Variants in NRXN3 observed in about 807,000 individuals in gnomAD.
The protein encoded by NRXN3 is neurexin 3.
NRXN3 carries 32 observed loss-of-function variants against 137.6 expected under a neutral mutation model. The observed-to-expected ratio is 0.23, with a 90% CI of 0.18 to 0.31. The LOEUF (loss-of-function observed/expected upper bound fraction) is 0.31. NRXN3 is among the 10% of genes least tolerant of loss of function. NRXN3 has a pLI of 1.00. For missense variants in NRXN3, 1,574 were observed against 2,062.5 expected (o/e 0.76, Z 4.59); for synonymous variants, 798 against 784.5 (o/e 1.02, Z -0.29).
intron 19 of NRXN3, among the ~76,000 whole-genome samples, chr14:79,764,931 C>T (rs1483303619): frequency 6.6e-6 from 1 of 152,174 alleles, no homozygotes; most frequent in African/African-American, 2.4e-5. Context: ...AACCATTAGA[C>T]TATTTTTTTC....
chr14:78,539,712 T>C (rs2096570380), intron 4 of NRXN3, among the ~76,000 whole-genome samples: 1 of 152,232 alleles, frequency 6.6e-6, no homozygotes, highest in African/African-American at 2.4e-5. Flanking sequence ...AGGGTGTCGA[T>C]TATAGATCCT....
At chr14:79,041,198 C>T (rs1229141200) in intron 15 of NRXN3, among the ~76,000 whole-genome samples, 1 of 152,152 alleles carries the variant, frequency 6.6e-6, no homozygotes, top group African/African-American at 2.4e-5. Flanking sequence ...ACATTATTGT[C>T]ACTGTTTCTC....
chr14:79,468,866 G>T (rs773263996), intron 16 of NRXN3, among the ~76,000 whole-genome samples: 1 of 152,194 alleles, frequency 6.6e-6, no homozygotes, highest in African/African-American at 2.4e-5. Flanking sequence ...CTTGAATAGA[G>T]TTGTGAACTT....
intron 15 of NRXN3, among the ~76,000 whole-genome samples, chr14:79,014,703 A>T (rs2099576376): frequency 6.6e-6 from 1 of 152,180 alleles, no homozygotes; most frequent in African/African-American, 2.4e-5. Context: ...GAGCTAGTGC[A>T]GTTGTTTGGA....
rs1028166142 is a variant in NRXN3, at chr14:78,236,738, C to G, written c.-703-5653C>G. ...ATGAGATAGGTATTATTCCCCCCCC[C>G]CTTTTTTTTGATGAAGAAAGACTCA... On this transcript the variant is annotated intron_variant, in intron 1 of 20. Transcript: ENST00000335750. Among the ~76,000 whole-genome samples the G allele has an allele frequency of 2.0e-3, 293 of 146,716 alleles. 3 individuals carry two copies. Among genetic ancestry groups the G allele is most frequent in the African/African-American group, 6.6e-3 (267 of 40,650 alleles).
At chr14:79,608,316 C>T (rs1228631608) in intron 16 of NRXN3, among the ~76,000 whole-genome samples, 1 of 152,168 alleles carries the variant, frequency 6.6e-6, no homozygotes, top group African/African-American at 2.4e-5. Context: ...TTCCTCATAT[C>T]TACCTAATGC....
At chr14:79,468,726 G>A (rs2096461750) in intron 16 of NRXN3, among the ~76,000 whole-genome samples, 1 of 152,190 alleles carries the variant, frequency 6.6e-6, no homozygotes, top group African/African-American at 2.4e-5. Context: ...AATGAGAGCA[G>A]CTTAAAGTCC....
chr14:79,181,674 C>G (rs1337255112), intron 15 of NRXN3, among the ~76,000 whole-genome samples: 1 of 133,462 alleles, frequency 7.5e-6, no homozygotes, highest in Non-Finnish European at 1.6e-5. Flanking sequence ...AGAGTGTGAC[C>G]CTGTCTCAAA....
chr14:78,853,691 T>C (rs1314393923), intron 10 of NRXN3, among the ~76,000 whole-genome samples: 2 of 152,146 alleles, frequency 1.3e-5, no homozygotes. Flanking sequence ...CAATACTATG[T>C]CTCTCAAAGT....
intron 2 of NRXN3, among the ~76,000 whole-genome samples, chr14:78,266,712 T>G (rs2071799198): frequency 6.6e-6 from 1 of 152,214 alleles, no homozygotes; most frequent in Admixed American, 6.5e-5. Context: ...TACTCATTAG[T>G]AGGCAATATG....
At chr14:78,706,769 G>A (rs975622169) in intron 6 of NRXN3, among the ~76,000 whole-genome samples, 12 of 152,132 alleles carry the variant, frequency 7.9e-5, no homozygotes, top group South Asian at 4.2e-4. Flanking sequence ...TTAGGTCCAC[G>A]GTCAAGGTTA....
intron 20 of NRXN3, among the ~76,000 whole-genome samples, chr14:79,820,954 C>G (rs1331986988): frequency 1.3e-5 from 2 of 152,038 alleles, no homozygotes; most frequent in Non-Finnish European, 2.9e-5. Flanking sequence ...AGCAGGGCCC[C>G]CTGGTGTGGT....
intron 7 of NRXN3, 114 bp downstream of exon 7, chr14:78,709,769 C>T: frequency 1.1e-6 from 1 of 941,704 alleles, no homozygotes; most frequent in Non-Finnish European, 1.6e-6. Flanking sequence ...GATTCTTTTG[C>T]TACTCTCTTT....
chr14:78,563,200 C>G (rs900583112), intron 4 of NRXN3, among the ~76,000 whole-genome samples: 4 of 152,308 alleles, frequency 2.6e-5, no homozygotes, highest in Admixed American at 2.6e-4. Flanking sequence ...TATGACCTAG[C>G]TTCAGGAGTC....
At chr14:78,716,081 CA>C (rs2098431754) in intron 8 of NRXN3, among the ~76,000 whole-genome samples, 1 of 151,948 alleles carries the variant, frequency 6.6e-6, no homozygotes, top group Non-Finnish European at 1.5e-5. Flanking sequence ...GAGAGGGGAC[CA>C]AAGAGATGAG....
At chr14:78,594,898 C>T (rs895380146) in intron 4 of NRXN3, among the ~76,000 whole-genome samples, 1 of 152,146 alleles carries the variant, frequency 6.6e-6, no homozygotes, top group Admixed American at 6.5e-5. Flanking sequence ...GTGTCAGTAC[C>T]ACAGGAGTAA....
At chr14:78,861,762 T>C (rs1209136877) in intron 10 of NRXN3, among the ~76,000 whole-genome samples, 1 of 152,138 alleles carries the variant, frequency 6.6e-6, no homozygotes, top group Non-Finnish European at 1.5e-5. Flanking sequence ...GTTTTAAACA[T>C]GCACTCACAT....
At chr14:79,522,566 A>G (rs2097077621) in intron 16 of NRXN3, among the ~76,000 whole-genome samples, 1 of 152,222 alleles carries the variant, frequency 6.6e-6, no homozygotes, top group African/African-American at 2.4e-5. Flanking sequence ...TAAAAAAGAA[A>G]AAATAAAGAA....
chr14:78,617,056 C>G (rs1195323693), intron 4 of NRXN3, among the ~76,000 whole-genome samples: 1 of 152,188 alleles, frequency 6.6e-6, no homozygotes, highest in Non-Finnish European at 1.5e-5. Context: ...TTCTTTTTCT[C>G]TTGCTACTAC....
Sources: gnomAD v4.1 joint callset for allele counts (sites outside exome capture counted in the v4.1 genomes callset) on GRCh38, gnomAD v4.1.1 for gene constraint, MANE v1.5 for transcripts, NCBI Gene and HGNC (gene_info 2026-07-23, HGNC 2026-07-21) for gene names.